The following GALNT17 variants were observed in gnomAD, a reference collection of about 807,000 sequenced individuals.
GALNT17 encodes polypeptide N-acetylgalactosaminyltransferase 17, also known as UDP-GalNAc:polypeptide N-acetylgalactosaminyltransferase-like 3.
Under a neutral mutation model 63.7 loss-of-function variants are expected in GALNT17, and 29 were observed. That is an observed-to-expected ratio of 0.46 (90% CI 0.34 to 0.62). The LOEUF (loss-of-function observed/expected upper bound fraction) is 0.62, where lower values mean the gene tolerates loss of function less well. Ranked by LOEUF, GALNT17 falls within the 20% of genes least tolerant of loss-of-function variation. The pLI is 0.01. For missense variants in GALNT17, 603 were observed against 799.6 expected, an observed-to-expected ratio of 0.75 and a Z score of 2.97; for synonymous variants, 305 against 318.3, an observed-to-expected ratio of 0.96 and a Z score of 0.45.
chr7:71,584,572 T>G (rs1789687434), intron 6 of GALNT17, among the ~76,000 whole-genome samples: 1 of 152,162 alleles, frequency 6.6e-6, no homozygotes, highest in African/African-American at 2.4e-5. Flanking sequence ...AAATTACACT[T>G]AGGAAAATCC....
chr7:71,506,693 G>A (rs1003872108), intron 5 of GALNT17, among the ~76,000 whole-genome samples: 1 of 152,198 alleles, frequency 6.6e-6, no homozygotes, highest in Non-Finnish European at 1.5e-5. Flanking sequence ...AGGGTAGTTA[G>A]CGTGTCTATC....
intron 1 of GALNT17, among the ~76,000 whole-genome samples, chr7:71,175,190 G>A (rs1046629286): frequency 1.3e-5 from 2 of 149,164 alleles, no homozygotes; most frequent in Middle Eastern, 3.3e-3. Flanking sequence ...CTATCCATCC[G>A]TCTATCTATC....
At chr7:71,412,379 T>A (rs1398692720) in intron 3 of GALNT17, among the ~76,000 whole-genome samples, 1 of 152,042 alleles carries the variant, frequency 6.6e-6, no homozygotes, top group Non-Finnish European at 1.5e-5. Flanking sequence ...ATCTCCCTTT[T>A]TTTTTTTTTG....
At chr7:71,617,405 T>C (rs1478979506) in intron 6 of GALNT17, among the ~76,000 whole-genome samples, 5 of 151,510 alleles carry the variant, frequency 3.3e-5, no homozygotes, top group Non-Finnish European at 7.4e-5. Context: ...CACTGCAACT[T>C]CCACTTCCTA....
chr7:71,184,513 TGAGCTCAGGCATCTAA>T (rs943267272), intron 1 of GALNT17, among the ~76,000 whole-genome samples: 29 of 152,252 alleles, frequency 1.9e-4, no homozygotes, highest in Non-Finnish European at 3.8e-4. Flanking sequence ...CTCCCCATCT[TGAGCTCAGGCATCTAA>T]GAGCCTTATC....
chr7:71,488,464 G>A (rs906282021), intron 5 of GALNT17, among the ~76,000 whole-genome samples: 2 of 152,014 alleles, frequency 1.3e-5, no homozygotes, highest in Non-Finnish European at 2.9e-5. Context: ...AACACAACCT[G>A]GAGTGGAGTT....
intron 2 of GALNT17, among the ~76,000 whole-genome samples, chr7:71,340,929 T>C (rs982953729): frequency 6.6e-6 from 1 of 152,062 alleles, no homozygotes; most frequent in Non-Finnish European, 1.5e-5. Flanking sequence ...TTCCAGCTAC[T>C]TGGGAGGCTG....
intron 5 of GALNT17, among the ~76,000 whole-genome samples, chr7:71,469,361 C>G (rs1787590804): frequency 6.6e-6 from 1 of 152,146 alleles, no homozygotes; most frequent in Non-Finnish European, 1.5e-5. Context: ...TTCCTGTGGC[C>G]TAGGACTGGT....
chr7:71,427,083 CT>C (rs879851559), intron 5 of GALNT17, among the ~76,000 whole-genome samples: 444 of 140,132 alleles, frequency 3.2e-3, no homozygotes, highest in Non-Finnish European at 3.6e-3. Context: ...TTCATTTACT[CT>C]TTTTTTTTTT....
chr7:71,495,610 A>C (rs1788081532), intron 5 of GALNT17, among the ~76,000 whole-genome samples: 1 of 152,176 alleles, frequency 6.6e-6, no homozygotes, highest in Non-Finnish European at 1.5e-5. Context: ...TCTGATCCCC[A>C]GTGGCCAGGC....
intron 1 of GALNT17, among the ~76,000 whole-genome samples, chr7:71,184,682 C>T (rs1788798543): frequency 6.6e-6 from 1 of 152,132 alleles, no homozygotes; most frequent in Admixed American, 6.5e-5. Flanking sequence ...ACTTTTTGCC[C>T]TTCTTGGGTT....
chr7:71,340,199 T>A (rs996462988), intron 2 of GALNT17, among the ~76,000 whole-genome samples: 1 of 152,208 alleles, frequency 6.6e-6, no homozygotes, highest in Non-Finnish European at 1.5e-5. Context: ...AGCAGTTATG[T>A]CCCCAGATCC....
intron 5 of GALNT17, among the ~76,000 whole-genome samples, chr7:71,460,231 AAC>A (rs1466398058): frequency 1.1e-4 from 17 of 152,188 alleles, no homozygotes; most frequent in African/African-American, 4.1e-4. Context: ...GGCCAAACTT[AAC>A]ACAACAATAT....
At chr7:71,159,565 C>G (rs1788301928) in intron 1 of GALNT17, among the ~76,000 whole-genome samples, 1 of 149,978 alleles carries the variant, frequency 6.7e-6, no homozygotes, top group African/African-American at 2.5e-5. Context: ...AATTATATAA[C>G]AAGCACAGCT....
At chr7:71,637,123 A>G (rs1790537901) in intron 6 of GALNT17, among the ~76,000 whole-genome samples, 1 of 152,180 alleles carries the variant, frequency 6.6e-6, no homozygotes, top group Non-Finnish European at 1.5e-5. Context: ...TAATAAATGT[A>G]AAGTGCTGAA....
chr7:71,295,033 A>G (rs950918772), intron 1 of GALNT17, among the ~76,000 whole-genome samples: 1 of 152,150 alleles, frequency 6.6e-6, no homozygotes, highest in African/African-American at 2.4e-5. Context: ...AGTCAAATGA[A>G]TATTTCCACC....
At chr7:71,381,214 A>G (rs1231398750) in intron 2 of GALNT17, among the ~76,000 whole-genome samples, 3 of 149,832 alleles carry the variant, frequency 2.0e-5, no homozygotes, top group Non-Finnish European at 4.4e-5. Flanking sequence ...CGCTGCCTCT[A>G]CCTCCCAAAG....
chr7:71,545,509 G>A (rs1369657853), intron 5 of GALNT17, among the ~76,000 whole-genome samples: 4 of 151,918 alleles, frequency 2.6e-5, no homozygotes, highest in African/African-American at 9.7e-5. Flanking sequence ...GTGCCACCAC[G>A]CCTGGCTAAT....
At chr7:71,207,478 G>A (rs563603001) in intron 1 of GALNT17, among the ~76,000 whole-genome samples, 156 of 152,134 alleles carry the variant, frequency 1.0e-3, no homozygotes, top group African/African-American at 3.6e-3. Context: ...GGAAGATACC[G>A]TATTTCATTC....
Sources: allele counts gnomAD v4.1 joint callset (sites outside exome capture counted in the v4.1 genomes callset), GRCh38; gene constraint gnomAD v4.1.1; transcripts MANE v1.5; gene names NCBI Gene and HGNC (gene_info 2026-07-23, HGNC 2026-07-21).